COL24A1: variants seen among roughly 807,000 people sequenced by gnomAD.
COL24A1 encodes the protein collagen type XXIV alpha 1 chain.
COL24A1 carries 224 observed loss-of-function variants against 253.9 expected under a neutral mutation model. The observed-to-expected ratio is 0.88, with a 90% confidence interval of 0.79 to 0.99. COL24A1 has a LOEUF of 0.99. COL24A1 is among the 50% of genes least tolerant of loss of function. COL24A1 has a pLI of 0.00. For missense variants in COL24A1, 2,131 were observed against 2,068.5 expected, an observed-to-expected ratio of 1.03 and a Z score of -0.59; for synonymous variants, 685 against 673.7, an observed-to-expected ratio of 1.02 and a Z score of -0.26.
At chr1:86,026,920 AAACTTCCCAGG>A (rs1194553240) in intron 14 of COL24A1, among the ~76,000 whole-genome samples, 14 of 152,122 alleles carry the variant, frequency 9.2e-5, no homozygotes, top group Non-Finnish European at 1.5e-5. Flanking sequence ...GTAAGATGAA[AAACTTCCCAGG>A]AACTACAGTA....
At position 85,761,981 on chromosome 1, in the gene COL24A1, C is replaced by T. The variant is rs967112838; in HGVS notation, c.4375-415G>A. 4.6e-5 allele frequency among the ~76,000 whole-genome samples: 7 copies of T among 152,030 alleles called. No individual in the cohort carries two copies. The South Asian group carries it at 1.5e-3, about 32-fold the overall frequency. ...TGGTTACTAACTCCTGTTGAGTTCACCTGAAAATCTCTCCAAAATAATACT... is the reference window on the plus strand; with the variant it reads ...TGGTTACTAACTCCTGTTGAGTTCATCTGAAAATCTCTCCAAAATAATACT... On this transcript the variant is annotated intron_variant, in intron 53 of 59. Transcript: ENST00000370571.
chr1:86,065,604 A>G (rs2101799692), intron 7 of COL24A1, among the ~76,000 whole-genome samples: 1 of 152,214 alleles, frequency 6.6e-6, no homozygotes, highest in African/African-American at 2.4e-5. Flanking sequence ...CCAGTAGCCT[A>G]TAAAATGACT....
At chr1:85,870,024 CA>C (rs1203506031) in intron 35 of COL24A1, among the ~76,000 whole-genome samples, 1 of 151,520 alleles carries the variant, frequency 6.6e-6, no homozygotes, top group Non-Finnish European at 1.5e-5. Flanking sequence ...AAATGGAAAA[CA>C]AAAAAAGGCA....
rs1687144161 is a variant in COL24A1, at chr1:85,925,928, A to T, written c.2563-14495T>A. On this transcript the variant is annotated intron_variant, in intron 24 of 59. Coordinates refer to ENST00000370571, the MANE Select transcript of COL24A1 (RefSeq NM_152890.7). The stretch of plus-strand genomic sequence containing the variant: ...AAAATTTTTGCAATCTACCCATCTG[A>T]CAAAGGGCTAATATCCAGAAACTAC... Among the ~76,000 whole-genome samples, 7 of 152,216 alleles carry T rather than the reference A, an allele frequency of 4.6e-5. No individual in the cohort carries two copies. The South Asian group carries it at 1.4e-3, about 32-fold the overall frequency.
chr1:85,873,093 A>T (rs1280556079), intron 35 of COL24A1, among the ~76,000 whole-genome samples: 2 of 152,216 alleles, frequency 1.3e-5, no homozygotes, highest in Non-Finnish European at 2.9e-5. Context: ...AATGCTCATC[A>T]TCACTGGCCA....
chr1:86,039,321 T>C (rs1699279367), intron 12 of COL24A1, among the ~76,000 whole-genome samples: 1 of 152,216 alleles, frequency 6.6e-6, no homozygotes, highest in Non-Finnish European at 1.5e-5. Context: ...TCATAGATAC[T>C]ACATTTGGTA....
intron 24 of COL24A1, among the ~76,000 whole-genome samples, chr1:85,945,268 C>T (rs1034341224): frequency 6.6e-6 from 1 of 151,394 alleles, no homozygotes; most frequent in South Asian, 2.1e-4. Flanking sequence ...CCGCCCACCT[C>T]CCGGCCTCCC....
intron 28 of COL24A1, 38 bp downstream of exon 28, chr1:85,907,156 T>G (rs796557679): frequency 1.3e-6 from 2 of 1,506,128 alleles, no homozygotes; most frequent in Non-Finnish European, 9.2e-7. Flanking sequence ...GAAGTAATTT[T>G]GGGGGGGTTA....
At chr1:85,981,442 A>G (rs1693250152) in intron 20 of COL24A1, among the ~76,000 whole-genome samples, 1 of 152,182 alleles carries the variant, frequency 6.6e-6, no homozygotes, top group Admixed American at 6.6e-5. Context: ...TGCAAGCCAC[A>G]TGTGAAAGAA....
chr1:86,013,475 C>T (rs1038294593), intron 19 of COL24A1, among the ~76,000 whole-genome samples: 1 of 152,128 alleles, frequency 6.6e-6, no homozygotes, highest in African/African-American at 2.4e-5. Context: ...ATCTGAAATC[C>T]CCTTACAACA....
At chr1:85,743,433 AT>A (rs1664859754) in intron 57 of COL24A1, among the ~76,000 whole-genome samples, 1 of 152,120 alleles carries the variant, frequency 6.6e-6, no homozygotes, top group Non-Finnish European at 1.5e-5. Context: ...TAGATGCCTT[AT>A]CTGATCATTC....
intron 23 of COL24A1, among the ~76,000 whole-genome samples, chr1:85,962,709 A>G (rs1002012540): frequency 2.0e-5 from 3 of 152,208 alleles, no homozygotes; most frequent in Non-Finnish European, 4.4e-5. Flanking sequence ...TCAAAGTACA[A>G]CAGAGACTGA....
intron 11 of COL24A1, among the ~76,000 whole-genome samples, chr1:86,048,189 T>C (rs777465392): frequency 6.7e-6 from 1 of 150,276 alleles, no homozygotes; most frequent in Non-Finnish European, 1.5e-5. Context: ...TATATACATG[T>C]ATATATGTGT....
intron 43 of COL24A1, among the ~76,000 whole-genome samples, chr1:85,832,965 T>C (rs890288398): frequency 3.0e-4 from 46 of 151,668 alleles, no homozygotes; most frequent in Non-Finnish European, 5.7e-4. Flanking sequence ...AACACTATGT[T>C]GAATAGGAGT....
At chr1:86,021,551 A>C (rs1697540424) in intron 18 of COL24A1, among the ~76,000 whole-genome samples, 1 of 152,062 alleles carries the variant, frequency 6.6e-6, no homozygotes, top group Non-Finnish European at 1.5e-5. Flanking sequence ...AATAGTACCA[A>C]CTTTGTAGGA....
intron 55 of COL24A1, among the ~76,000 whole-genome samples, chr1:85,748,474 C>T (rs186366011): frequency 1.2e-4 from 19 of 152,256 alleles, no homozygotes; most frequent in African/African-American, 4.1e-4. Context: ...CTCTCTTAGG[C>T]AAGTTAAAAA....
intron 2 of COL24A1, among the ~76,000 whole-genome samples, chr1:86,134,269 T>C (rs1649835586): frequency 6.6e-6 from 1 of 150,564 alleles, no homozygotes; most frequent in African/African-American, 2.4e-5. Context: ...GCTGGCGGTT[T>C]ATCAATTTTG....
chr1:85,846,020 G>T (rs1056613752), intron 39 of COL24A1, among the ~76,000 whole-genome samples: 13 of 151,636 alleles, frequency 8.6e-5, no homozygotes, highest in African/African-American at 3.1e-4. Context: ...AAATAGTGTG[G>T]TATTGACCCA....
intron 32 of COL24A1, among the ~76,000 whole-genome samples, chr1:85,886,592 G>A (rs754908049): frequency 4.6e-5 from 7 of 151,900 alleles, no homozygotes; most frequent in Non-Finnish European, 1.0e-4. Context: ...TTGAACCTGG[G>A]AGGCGGAGGT....
Sources: gnomAD v4.1 joint callset for allele counts (sites outside exome capture counted in the v4.1 genomes callset) on GRCh38, gnomAD v4.1.1 for gene constraint, MANE v1.5 for transcripts, NCBI Gene and HGNC (gene_info 2026-07-23, HGNC 2026-07-21) for gene names.